The following APBA2 variants were observed in gnomAD, a reference collection of about 807,000 sequenced individuals.
The protein encoded by APBA2 is amyloid-beta A4 precursor protein-binding family A member 2.
APBA2 carries 30 observed loss-of-function variants against 75.0 expected under a neutral mutation model. The observed-to-expected ratio is 0.40, with a 90% confidence interval of 0.30 to 0.54. The LOEUF is 0.54. Ranked by LOEUF, APBA2 falls within the 20% of genes least tolerant of loss-of-function variation. The pLI, the probability that APBA2 is intolerant of heterozygous loss-of-function variation, is 0.49. For missense variants in APBA2, 801 were observed against 1,016.1 expected (o/e 0.79, Z 2.88); for synonymous variants, 444 against 409.6 (o/e 1.08, Z -1.01).
At chr15:29,114,547 G>A (rs1270516438) in intron 14 of APBA2, among the ~76,000 whole-genome samples, 1 of 152,246 alleles carries the variant, frequency 6.6e-6, no homozygotes. Context: ...CATACACCGG[G>A]GGAGGCCTGG....
At chr15:29,116,581 TTG>T (rs1170726954) in intron 14 of APBA2, among the ~76,000 whole-genome samples, 11 of 150,392 alleles carry the variant, frequency 7.3e-5, no homozygotes, top group Non-Finnish European at 1.5e-4. Flanking sequence ...TGAGCCGAGA[TTG>T]CACCACTGCA....
chr15:28,886,840 C>T (rs994491307), intron 1 of APBA2, among the ~76,000 whole-genome samples: 4 of 152,176 alleles, frequency 2.6e-5, no homozygotes, highest in Non-Finnish European at 4.4e-5. Context: ...TGCAGGTGCC[C>T]GGTTGGGGGC....
At chr15:29,057,867 A>G (rs750074172) in intron 4 of APBA2, among the ~76,000 whole-genome samples, 3 of 152,184 alleles carry the variant, frequency 2.0e-5, no homozygotes, top group Admixed American at 6.5e-5. Flanking sequence ...CCGTACATCA[A>G]CGTTGACCAT....
At chr15:29,024,400 A>G (rs563691708) in intron 3 of APBA2, among the ~76,000 whole-genome samples, 1 of 152,284 alleles carries the variant, frequency 6.6e-6, no homozygotes, top group South Asian at 2.1e-4. Context: ...AATGTCCTCT[A>G]CAGCTGGTTT....
At chr15:29,062,617 C>T (rs1319565448) in intron 4 of APBA2, among the ~76,000 whole-genome samples, 2 of 152,132 alleles carry the variant, frequency 1.3e-5, no homozygotes, top group African/African-American at 2.4e-5. Flanking sequence ...GGGATTGCTT[C>T]GGGTACTTTT....
chr15:28,981,188 A>G (rs528497701), intron 2 of APBA2, among the ~76,000 whole-genome samples: 27 of 152,352 alleles, frequency 1.8e-4, no homozygotes, highest in African/African-American at 6.0e-4. Context: ...CTAATTAACT[A>G]AAGAGCTTCT....
chr15:29,041,123 A>G (rs1192252474), intron 3 of APBA2, among the ~76,000 whole-genome samples: 1 of 152,218 alleles, frequency 6.6e-6, no homozygotes, highest in Non-Finnish European at 1.5e-5. Flanking sequence ...GAAAGAATCT[A>G]AGTTAGCTCT....
chr15:29,060,468 A>G (rs538706719), intron 4 of APBA2, among the ~76,000 whole-genome samples: 1 of 152,306 alleles, frequency 6.6e-6, no homozygotes, highest in East Asian at 1.9e-4. Context: ...TCCGCGTTTG[A>G]GCCTGCCTGC....
chr15:29,112,158 C>T (rs912025832), intron 13 of APBA2, among the ~76,000 whole-genome samples: 17 of 152,224 alleles, frequency 1.1e-4, no homozygotes, highest in Non-Finnish European at 1.6e-4. Context: ...GGCAGCCACT[C>T]GGCACCTTGT....
At chr15:28,945,070 A>G (rs1385688617) in intron 2 of APBA2, among the ~76,000 whole-genome samples, 1 of 152,206 alleles carries the variant, frequency 6.6e-6, no homozygotes, top group African/African-American at 2.4e-5. Context: ...TCTTCCCAGC[A>G]CACCACAGCC....
At chr15:29,017,411 T>A (rs1285092128) in intron 3 of APBA2, among the ~76,000 whole-genome samples, 1 of 143,424 alleles carries the variant, frequency 7.0e-6, no homozygotes, top group Admixed American at 6.9e-5. Context: ...TTTTTTTTTT[T>A]TTTTTTTGAG....
intron 4 of APBA2, among the ~76,000 whole-genome samples, chr15:29,065,293 G>T (rs1382809837): frequency 6.6e-6 from 1 of 152,042 alleles, no homozygotes; most frequent in Non-Finnish European, 1.5e-5. Context: ...CTCGGTGCAA[G>T]AAGTTATAGA....
At chr15:28,993,032 G>A (rs1422074255) in intron 2 of APBA2, among the ~76,000 whole-genome samples, 2 of 152,208 alleles carry the variant, frequency 1.3e-5, no homozygotes, top group East Asian at 1.9e-4. Flanking sequence ...GGAGGGGCAG[G>A]AAGAGGATGG....
intron 4 of APBA2, 111 bp from the exon 5 acceptor site, chr15:29,074,808 CAT>C (rs1403123376): frequency 2.4e-6 from 2 of 822,976 alleles, no homozygotes; most frequent in Admixed American, 3.9e-5. Context: ...CACCTATACA[CAT>C]ACAGACATAC....
At chr15:28,955,256 G>A (rs1417612530) in intron 2 of APBA2, among the ~76,000 whole-genome samples, 6 of 152,134 alleles carry the variant, frequency 3.9e-5, no homozygotes, top group South Asian at 4.2e-4. Flanking sequence ...TGTGGTCTTC[G>A]GTTTCATTGC....
chr15:29,034,908 T>A (rs1297545462), intron 3 of APBA2, among the ~76,000 whole-genome samples: 1 of 152,172 alleles, frequency 6.6e-6, no homozygotes, highest in East Asian at 1.9e-4. Flanking sequence ...GACTCTGTGG[T>A]GGGTGTTTGA....
intron 12 of APBA2, 105 bp downstream of exon 12, chr15:29,106,924 G>C: frequency 8.6e-7 from 1 of 1,157,966 alleles, no homozygotes; most frequent in South Asian, 1.4e-5. Flanking sequence ...CTTCACCCAT[G>C]GGGAAACTGA....
intron 6 of APBA2, among the ~76,000 whole-genome samples, chr15:29,084,111 C>T (rs73370248): frequency 0.089 from 13,560 of 152,110 alleles, 1,336 homozygotes; most frequent in African/African-American, 0.25. Context: ...AGAAAGCTAT[C>T]GATTTTTATA....
chr15:29,090,004 G>A (rs1161221172), intron 6 of APBA2, among the ~76,000 whole-genome samples: 1 of 152,304 alleles, frequency 6.6e-6, no homozygotes, highest in African/African-American at 2.4e-5. Context: ...GTTTCCTGCG[G>A]AAGTTGAGAG....
Sources: gnomAD v4.1 joint callset for allele counts (sites outside exome capture counted in the v4.1 genomes callset) on GRCh38, gnomAD v4.1.1 for gene constraint, MANE v1.5 for transcripts, NCBI Gene and HGNC (gene_info 2026-07-23, HGNC 2026-07-21) for gene names.